The following BCL2L13 variants were observed in gnomAD, a reference collection of about 807,000 sequenced individuals.
BCL2L13 encodes the protein BCL2 like 13.
BCL2L13 carries 13 observed loss-of-function variants against 25.8 expected under a neutral mutation model. The ratio of observed to expected loss-of-function variants is 0.50; its 90% confidence interval spans 0.33 to 0.80. The LOEUF (loss-of-function observed/expected upper bound fraction) is 0.80, where lower values mean the gene tolerates loss of function less well. Among genes scored for constraint, BCL2L13 ranks in the 30% least tolerant of loss-of-function variants. The pLI is 0.02. For synonymous variants in BCL2L13, 244 were observed against 230.3 expected, an observed-to-expected ratio of 1.06 and a Z score of -0.54; for missense variants, 504 against 574.9, an observed-to-expected ratio of 0.88 and a Z score of 1.26.
intron 2 of BCL2L13, among the ~76,000 whole-genome samples, chr22:17,673,262 C>G (rs2059470825): frequency 6.6e-6 from 1 of 152,054 alleles, no homozygotes; most frequent in Non-Finnish European, 1.5e-5. Context: ...CATCGTGACT[C>G]ATCGCCATAA....
chr22:17,657,521 C>CA (rs1568936765), intron 2 of BCL2L13, among the ~76,000 whole-genome samples: 3 of 145,338 alleles, frequency 2.1e-5, no homozygotes, highest in South Asian at 4.3e-4. Context: ...TTCTTTTTTT[C>CA]TTTTTTTTTT....
At chr22:17,685,734 A>T in intron 3 of BCL2L13, among the ~76,000 whole-genome samples, 1 of 115,786 alleles carries the variant, frequency 8.6e-6, no homozygotes, top group African/African-American at 3.2e-5. Context: ...GTGTGGACAT[A>T]TATTGCCCAA....
intron 1 of BCL2L13, among the ~76,000 whole-genome samples, chr22:17,647,105 C>G (rs2058522422): frequency 6.7e-6 from 1 of 149,966 alleles, no homozygotes; most frequent in Non-Finnish European, 1.5e-5. Context: ...TCCCAAGTAG[C>G]TGGGACTACA....
intron 1 of BCL2L13, 146 bp downstream of exon 1, chr22:17,639,032 G>T: frequency 1.5e-6 from 1 of 658,100 alleles, no homozygotes; most frequent in Non-Finnish European, 2.2e-6. Context: ...GTCTACACCG[G>T]CGCTCCTTCG....
intron 3 of BCL2L13, chr22:17,684,595 C>T (rs1476526060): frequency 6.6e-6 from 3 of 453,876 alleles, no homozygotes; most frequent in South Asian, 3.1e-5. Context: ...TGCAGTTTCG[C>T]TCTCATTGCC....
intron 6 of BCL2L13, among the ~76,000 whole-genome samples, chr22:17,724,062 C>T (rs927768847): frequency 6.6e-6 from 1 of 152,068 alleles, no homozygotes; most frequent in Non-Finnish European, 1.5e-5. Context: ...TGCTTGAAGC[C>T]AGGAGTTTGA....
chr22:17,680,546 A>G (rs920408461), intron 2 of BCL2L13, among the ~76,000 whole-genome samples: 3 of 136,612 alleles, frequency 2.2e-5, no homozygotes, highest in Non-Finnish European at 4.7e-5. Context: ...AAAAAAGAAA[A>G]AAAGACTCAT....
chr22:17,652,321 A>G lies in BCL2L13; in HGVS notation c.-50-3341A>G, dbSNP rs1010825831. On this transcript the variant is annotated intron_variant, in intron 1 of 6. Coordinates refer to ENST00000317582, the MANE Select transcript of BCL2L13 (RefSeq NM_015367.4). ...CCAAAGTGCTAGGATTACAGATGTG[A>G]ACCACTGTTCCCAGCCACACATTAA... 2.0e-5 allele frequency among the ~76,000 whole-genome samples: 3 copies of G among 152,304 alleles called. No individual in the cohort carries two copies. The East Asian group carries it at 5.8e-4, about 29-fold the overall frequency.
Position 17,730,025 on chromosome 22 carries a change from T to A in BCL2L13, c.*2491T>A, listed in dbSNP as rs935602223. ...ATAGTAGGAGGCCATTCCTTCCACC[T>A]CCAACTTATACCCTCTAAGTCTAAG... On this transcript the variant is annotated 3_prime_UTR_variant, in exon 7 of 7. Transcript: ENST00000317582. 1 of 152,210 alleles carries A rather than the reference T, an allele frequency of 6.6e-6. No homozygotes were observed. The highest frequency in any genetic ancestry group is 1.5e-5 in the Non-Finnish European group (1 of 68,030). 9.4% of individuals were successfully genotyped at this position (152,210 alleles called of 1,614,324 possible).
chr22:17,717,984 G>A (rs1215096734), intron 6 of BCL2L13, among the ~76,000 whole-genome samples: 2 of 152,196 alleles, frequency 1.3e-5, no homozygotes, highest in Non-Finnish European at 2.9e-5. Flanking sequence ...CTACTCTGAA[G>A]GCTGAAGTAG....
chr22:17,726,653 T>C (rs771386312), intron 6 of BCL2L13, 24 bp from the exon 7 acceptor site: 41 of 1,591,694 alleles, frequency 2.6e-5, no homozygotes, highest in Non-Finnish European at 3.5e-5. Flanking sequence ...TTCTTTATTA[T>C]TGACGCTTGT....
intron 2 of BCL2L13, among the ~76,000 whole-genome samples, chr22:17,679,699 A>G (rs2059678436): frequency 6.6e-6 from 1 of 152,026 alleles, no homozygotes. Flanking sequence ...TGAGCTTTTT[A>G]TATAAGCTTT....
chr22:17,697,902 C>T (rs1031255450), intron 5 of BCL2L13, among the ~76,000 whole-genome samples: 3 of 152,096 alleles, frequency 2.0e-5, no homozygotes, highest in Non-Finnish European at 4.4e-5. Context: ...GATCTTGGCT[C>T]ACTGCAACCT....
chr22:17,631,453 G>T, intron 1 of BCL2L13, among the ~76,000 whole-genome samples: 1 of 151,428 alleles, frequency 6.6e-6, no homozygotes, highest in Admixed American at 6.6e-5. Context: ...ATTATAGCAG[G>T]AGTACTACAT....
In BCL2L13 at chr22:17,638,771, C is replaced by T; in HGVS notation, c.-166C>T. The T allele has an allele frequency of 8.1e-7, 1 of 1,231,680 alleles. No homozygotes were observed. The highest frequency in any genetic ancestry group is 1.0e-6 in the Non-Finnish European group (1 of 987,934). The allele number at this position is 1,231,680 out of a possible 1,614,324, so 76.3% of individuals were successfully genotyped here. A position where few individuals can be genotyped will look rare whatever the true frequency, so the allele number is the denominator to read the frequency against. ...GGGGTGACCTCACCCTCCAACATGG[C>T]GGCGGCGGTAGATTAGGGCCGCGGG... On this transcript the variant is annotated 5_prime_UTR_variant, in exon 1 of 7. Coordinates refer to ENST00000317582, the MANE Select transcript of BCL2L13 (RefSeq NM_015367.4).
Position 17,730,149 on chromosome 22 carries a change from T to C in BCL2L13, c.*2615T>C, listed in dbSNP as rs1027970849. The C allele has an allele frequency of 2.0e-5, 3 of 152,200 alleles. No homozygotes were observed. The highest frequency in any genetic ancestry group is 1.9e-4 in the East Asian group (1 of 5,204). 9.4% of individuals were successfully genotyped at this position (152,200 alleles called of 1,614,324 possible). ...CTGCTCTGTTGAAGGTAATGATTTA[T>C]TGGGGGGAAAAAACAACGCCAATTT... On this transcript the variant is annotated 3_prime_UTR_variant, in exon 7 of 7. Coordinates refer to ENST00000317582, the MANE Select transcript of BCL2L13 (RefSeq NM_015367.4).
At chr22:17,686,500 T>C (rs960921654) in intron 3 of BCL2L13, among the ~76,000 whole-genome samples, 5 of 145,148 alleles carry the variant, frequency 3.4e-5, no homozygotes, top group African/African-American at 1.3e-4. Context: ...TCTTGTCTTT[T>C]ATATTTCTTT....
intron 5 of BCL2L13, among the ~76,000 whole-genome samples, chr22:17,701,786 C>T (rs2060442706): frequency 6.6e-6 from 1 of 151,876 alleles, no homozygotes; most frequent in South Asian, 2.1e-4. Flanking sequence ...ATTAGCCAGG[C>T]GTCATGGCGT....
intron 3 of BCL2L13, among the ~76,000 whole-genome samples, chr22:17,686,473 C>G (rs1023176483): frequency 6.6e-6 from 1 of 151,694 alleles, no homozygotes; most frequent in African/African-American, 2.4e-5. Flanking sequence ...ACAAATAATC[C>G]TGAAACCTAA....
Sources: allele counts gnomAD v4.1 joint callset (sites outside exome capture counted in the v4.1 genomes callset), GRCh38; gene constraint gnomAD v4.1.1; transcripts MANE v1.5; gene names NCBI Gene and HGNC (gene_info 2026-07-23, HGNC 2026-07-21).